Variants in SFSWAP observed in about 807,000 individuals in gnomAD.
SFSWAP encodes splicing factor SWAP.
In SFSWAP, 17 loss-of-function variants were observed where a neutral mutation model predicts 100.7. The ratio of observed to expected loss-of-function variants is 0.17; its 90% confidence interval spans 0.12 to 0.25. The LOEUF is 0.25. SFSWAP is among the 10% of genes least tolerant of loss of function. The pLI is 1.00. For missense variants in SFSWAP, 1,005 were observed against 1,262.6 expected (o/e 0.80, Z 3.09); for synonymous variants, 504 against 510.1 (o/e 0.99, Z 0.16).
rs1046757668 is a variant in SFSWAP at position 131,711,765 on chromosome 12, C to T, written c.218+318C>T. 11 of 343,084 alleles carry T rather than the reference C, an allele frequency of 3.2e-5. No homozygotes were observed. The highest frequency in any genetic ancestry group is 3.9e-5 in the Non-Finnish European group (7 of 181,818). 21.3% of individuals were successfully genotyped at this position (343,084 alleles called of 1,614,324 possible). On this transcript the variant is annotated intron_variant, in intron 1 of 17. Coordinates refer to ENST00000261674, the MANE Select transcript of SFSWAP (RefSeq NM_004592.4). The surrounding 1 kb of genome is among the most constrained non-coding windows in gnomAD (Gnocchi z 4.9). ...TCCGCGCGGTGAAAGCAGCCAGTGC[C>T]CAGGGTCTTTTCCTGAGTGCACCTG... is the stretch of plus-strand genomic sequence containing the variant.
At chr12:131,776,698 G>A (rs754385686) in intron 13 of SFSWAP, among the ~76,000 whole-genome samples, 2 of 152,232 alleles carry the variant, frequency 1.3e-5, no homozygotes, top group African/African-American at 2.4e-5. Context: ...GCAGCTGGGG[G>A]CAGCCTGGGA....
chr12:131,790,690 A>G (rs1885178220), intron 15 of SFSWAP, among the ~76,000 whole-genome samples: 1 of 152,216 alleles, frequency 6.6e-6, no homozygotes, highest in Admixed American at 6.5e-5. Context: ...ACAATGAATG[A>G]TTAGTTACAA....
At chr12:131,766,637 A>G (rs1164067361) in intron 13 of SFSWAP, among the ~76,000 whole-genome samples, 15 of 152,320 alleles carry the variant, frequency 9.8e-5, no homozygotes, top group Admixed American at 9.8e-4. Context: ...TGTGGTGGAC[A>G]CACTTCACTG....
intron 15 of SFSWAP, among the ~76,000 whole-genome samples, chr12:131,792,107 C>T (rs1885281559): frequency 1.3e-5 from 2 of 149,652 alleles, no homozygotes; most frequent in African/African-American, 5.0e-5. Flanking sequence ...CATGTGTGTT[C>T]ACGGATCAGT....
chr12:131,748,118 T>G (rs781048687), intron 7 of SFSWAP, among the ~76,000 whole-genome samples: 15 of 152,194 alleles, frequency 9.9e-5, no homozygotes, highest in Middle Eastern at 3.2e-3. Context: ...TTTGCCTGGC[T>G]AAAACACAGG....
At chr12:131,772,816 G>A (rs1883726410) in intron 13 of SFSWAP, among the ~76,000 whole-genome samples, 1 of 152,190 alleles carries the variant, frequency 6.6e-6, no homozygotes, top group Non-Finnish European at 1.5e-5. Context: ...CCGGCGTCCA[G>A]CAAGAATCAG....
Position 131,711,373 on chromosome 12 carries a change from C to T in SFSWAP, c.144C>T (p.Asp48=). ...ATGCCTGCAAGCTGTTCCGGGACGA[C>T]GAGCGGGCCCTGGCTCAGGAACAGG... is the stretch of plus-strand genomic sequence containing the variant. ...FGYACKLFRD[D]ERALAQEQGQ... Residue 48 remains aspartate, a synonymous_variant, in exon 1 of 18, where the codon GAC becomes GAT. Transcript: ENST00000261674. The surrounding 1 kb of genome is among the most constrained non-coding windows in gnomAD (Gnocchi z 4.9). 6.2e-7 allele frequency: 1 copy of T among 1,613,972 alleles called. No homozygotes were observed.
chr12:131,725,575 C>T lies in SFSWAP; in HGVS notation c.777C>T (p.Ala259=). 1 of 1,614,116 alleles carries T rather than the reference C, an allele frequency of 6.2e-7. No homozygotes were observed. Among genetic ancestry groups the T allele is most frequent in the Non-Finnish European group, 8.5e-7 (1 of 1,180,030 alleles). The change falls in exon 5 of 18, where the codon GCC becomes GCT. Residue 259 remains alanine (A), a synonymous_variant. Coordinates refer to ENST00000261674, the MANE Select transcript of SFSWAP (RefSeq NM_004592.4). This position sits in a 1 kb window ranked among gnomAD's most constrained non-coding sequence, Gnocchi z 4.3. ...CCTACTATAAGTTCATCCAGAAAGC[C>T]ATGAAAGAGGGACGCTACACTGTCC... ...LNPYYKFIQK[A]MKEGRYTVLA...
chr12:131,764,726 T>A (rs2136237502), intron 12 of SFSWAP, 40 bp downstream of exon 12: 1 of 1,416,492 alleles, frequency 7.1e-7, no homozygotes, highest in African/African-American at 1.4e-5. Flanking sequence ...AGAAAGGAAA[T>A]ACACAAATAT....
chr12:131,741,101 A>C (rs1283702309), intron 7 of SFSWAP, among the ~76,000 whole-genome samples: 1 of 148,176 alleles, frequency 6.7e-6, no homozygotes, highest in Non-Finnish European at 1.5e-5. Flanking sequence ...CCTCTCGAGT[A>C]GCTGGGATTA....
At position 131,711,274 on chromosome 12, in the gene SFSWAP, C is replaced by T. The variant is rs748069846; in HGVS notation, c.45C>T (p.Ser15=). ...SGGRAKPERK[S]GAKEEAGPGG... is the part of the protein sequence containing the mutation. ...GCCGCGCCAAACCCGAGAGGAAAAGCGGCGCGAAGGAGGAGGCCGGGCCAG... is the reference window on the plus strand; with the variant it reads ...GCCGCGCCAAACCCGAGAGGAAAAGTGGCGCGAAGGAGGAGGCCGGGCCAG... The change falls in exon 1 of 18, where the codon AGC becomes AGT. Residue 15 remains serine, a synonymous_variant. Coordinates refer to ENST00000261674, the MANE Select transcript of SFSWAP (RefSeq NM_004592.4). This position sits in a 1 kb window ranked among gnomAD's most constrained non-coding sequence, Gnocchi z 4.9. The T allele has an allele frequency of 1.2e-6, 2 of 1,611,636 alleles. No individual in the cohort carries two copies. Among genetic ancestry groups the T allele is most frequent in the East Asian group, 4.5e-5 (2 of 44,844 alleles).
intron 11 of SFSWAP, 94 bp from the exon 12 acceptor site, chr12:131,764,362 C>A (rs1882935730): frequency 2.1e-6 from 2 of 950,076 alleles, no homozygotes; most frequent in Non-Finnish European, 3.3e-6. Context: ...TGCTAGTCAT[C>A]CCCTTCCCAG....
chr12:131,741,040 T>G (rs901833220), intron 7 of SFSWAP, among the ~76,000 whole-genome samples: 2 of 136,730 alleles, frequency 1.5e-5, no homozygotes, highest in African/African-American at 2.6e-5. Flanking sequence ...TGGCACGATC[T>G]CAGCTTACTG....
rs147189379 is a variant in SFSWAP at position 131,756,575 on chromosome 12, C to T, written c.1651C>T (p.Arg551Trp). 383 of 1,613,540 alleles carry T rather than the reference C, an allele frequency of 2.4e-4. No homozygotes were observed. Among genetic ancestry groups the T allele is most frequent in the Non-Finnish European group, 2.9e-4 (348 of 1,179,828 alleles). Reference sequence around the variant, plus strand: ...TGAAGACGCAGCCGAGGTGGGAGCACGGGCAGGCTCAGGCGGGAAGAAGGA... The same window carrying T: ...TGAAGACGCAGCCGAGGTGGGAGCATGGGCAGGCTCAGGCGGGAAGAAGGA... ...APEDAAEVGA[R>W]AGSGGKKEAS... is the part of the protein sequence containing the mutation. The change falls in exon 11 of 18, where the codon CGG (arginine) becomes TGG (tryptophan). Residue 551 changes from arginine (R) to tryptophan (W), a missense_variant. Arg to Trp is a moderately radical substitution (Grantham distance 101, BLOSUM62 -3). Transcript: ENST00000261674.
At chr12:131,798,193 A>G (rs1885814655) in intron 16 of SFSWAP, among the ~76,000 whole-genome samples, 1 of 152,208 alleles carries the variant, frequency 6.6e-6, no homozygotes, top group South Asian at 2.1e-4. Context: ...AATCCCAGCT[A>G]CTCAGGAGGC....
At chr12:131,790,095 T>C (rs901799118) in intron 15 of SFSWAP, among the ~76,000 whole-genome samples, 12 of 152,198 alleles carry the variant, frequency 7.9e-5, no homozygotes, top group Non-Finnish European at 1.2e-4. Context: ...CTTCCTTCTG[T>C]GTTTATGCTG....
At chr12:131,719,390 C>G (rs1200783755) in intron 3 of SFSWAP, 64 bp from the exon 4 acceptor site, 1 of 1,181,546 alleles carries the variant, frequency 8.5e-7, no homozygotes, top group African/African-American at 1.5e-5. Flanking sequence ...ATCTTGCTGC[C>G]TGCTGTTAGC....
Position 131,725,358 on chromosome 12 carries a change from G to T in SFSWAP, c.607-47G>T. On this transcript the variant is annotated intron_variant, in intron 4 of 17. Transcript: ENST00000261674. The surrounding 1 kb of genome is among the most constrained non-coding windows in gnomAD (Gnocchi z 4.3). The stretch of plus-strand genomic sequence containing the variant: ...GTTTTAATGAAATCACGTGGCCGGT[G>T]GACAAGAGGACAAATGGGTGACGTG... The T allele has an allele frequency of 6.8e-7, 1 of 1,467,834 alleles. No homozygotes were observed. The highest frequency in any genetic ancestry group is 1.1e-5 in the South Asian group (1 of 87,856). 90.9% of individuals were successfully genotyped at this position (1,467,834 alleles called of 1,614,324 possible).
At chr12:131,751,146 C>T (rs559455295) in intron 7 of SFSWAP, among the ~76,000 whole-genome samples, 21 of 152,208 alleles carry the variant, frequency 1.4e-4, no homozygotes, top group South Asian at 4.1e-4. Flanking sequence ...AAAGGAATGG[C>T]GCTCAGCTTT....
Sources: allele counts gnomAD v4.1 joint callset (sites outside exome capture counted in the v4.1 genomes callset), GRCh38; gene constraint gnomAD v4.1.1; non-coding constraint Gnocchi (gnomAD v3.1); transcripts MANE v1.5; gene names NCBI Gene and HGNC (gene_info 2026-07-23, HGNC 2026-07-21).